KAT6A: variants seen among roughly 807,000 people sequenced by gnomAD.
KAT6A encodes lysine acetyltransferase 6A, also known as histone acetyltransferase KAT6A.
In KAT6A, 9 loss-of-function variants were observed where a neutral mutation model predicts 198.4. That is an observed-to-expected ratio of 0.05 (90% CI 0.03 to 0.08). KAT6A has a LOEUF of 0.08. KAT6A is among the 10% of genes least tolerant of loss of function. KAT6A has a pLI of 1.00. For missense variants in KAT6A, 2,077 were observed against 2,509.9 expected (o/e 0.83, Z 3.69); for synonymous variants, 890 against 883.0 (o/e 1.01, Z -0.14).
intron 2 of KAT6A, among the ~76,000 whole-genome samples, chr8:42,017,073 A>T (rs10092480): frequency 0.56 from 85,807 of 151,960 alleles, 24,657 homozygotes; most frequent in African/African-American, 0.65. Context: ...TTTAAAAGAC[A>T]GTATGCTGTG....
chr8:41,978,906 C>G, intron 5 of KAT6A, 129 bp from the exon 6 acceptor site: 1 of 735,172 alleles, frequency 1.4e-6, no homozygotes, highest in Non-Finnish European at 2.2e-6. Flanking sequence ...TGATGAATAC[C>G]CCCTCCAATC....
chr8:41,946,519 C>CAA, intron 12 of KAT6A, 72 bp downstream of exon 12: 1 of 752,442 alleles, frequency 1.3e-6, no homozygotes, highest in South Asian at 1.4e-5. Flanking sequence ...CACACACACA[C>CAA]ACACACACAC....
chr8:41,949,259 T>C lies in KAT6A; in HGVS notation c.1703A>G (p.Asn568Ser), dbSNP rs1822551426. The change falls in exon 10 of 17, where the codon AAT becomes AGT. Residue 568 changes from asparagine to serine, a missense_variant. Transcript: ENST00000265713. Reference sequence around the variant, plus strand: ...AATATTATTCTTTCTGTAAATCTCATTGGCAGGAGGATGGAACCAACCACA... The same window carrying C: ...AATATTATTCTTTCTGTAAATCTCACTGGCAGGAGGATGGAACCAACCACA... ...KKCGWFHPPA[N>S]EIYRKNNISV... 3 of 1,558,258 alleles carry C rather than the reference T, an allele frequency of 1.9e-6. No individual in the cohort carries two copies. Among genetic ancestry groups the C allele is most frequent in the Non-Finnish European group, 2.6e-6 (3 of 1,152,744 alleles).
chr8:41,991,610 TTA>T (rs904608812), intron 2 of KAT6A, among the ~76,000 whole-genome samples: 4 of 152,186 alleles, frequency 2.6e-5, no homozygotes, highest in African/African-American at 9.7e-5. Context: ...TATATTTTAA[TTA>T]GAGTTAAATT....
intron 2 of KAT6A, among the ~76,000 whole-genome samples, chr8:42,039,482 T>C (rs1827533923): frequency 6.6e-6 from 1 of 152,190 alleles, no homozygotes; most frequent in Non-Finnish European, 1.5e-5. Flanking sequence ...TAATAGATGT[T>C]AAGGAGATTC....
At chr8:41,976,743 A>C (rs149622134) in intron 7 of KAT6A, among the ~76,000 whole-genome samples, 40 of 152,276 alleles carry the variant, frequency 2.6e-4, no homozygotes, top group African/African-American at 9.1e-4. Context: ...AAGTTTCTCT[A>C]GGCAGATTCT....
intron 3 of KAT6A, among the ~76,000 whole-genome samples, chr8:41,984,820 A>T (rs1354462175): frequency 6.6e-6 from 1 of 151,986 alleles, no homozygotes; most frequent in Non-Finnish European, 1.5e-5. Flanking sequence ...CACCTCTACT[A>T]AAAATACCAA....
rs1821478321 is a variant in KAT6A at position 41,930,568 on chromosome 8, T to C, written c.*1637A>G. On this transcript the variant is annotated 3_prime_UTR_variant, in exon 17 of 17. Transcript: ENST00000265713. ...AAATGTACAAATAAAGGAGAGAATT[T>C]AATGCTTACAGATATTTCTCTAAGC... 1 of 189,138 alleles carries C rather than the reference T, an allele frequency of 5.3e-6. No individual in the cohort carries two copies. Among genetic ancestry groups the C allele is most frequent in the African/African-American group, 2.3e-5 (1 of 42,576 alleles). 11.7% of individuals were successfully genotyped at this position (189,138 alleles called of 1,614,324 possible). A position where few individuals can be genotyped will look rare whatever the true frequency, so the allele number is the denominator to read the frequency against.
At chr8:41,958,817 T>C (rs1823050825) in intron 8 of KAT6A, among the ~76,000 whole-genome samples, 2 of 152,182 alleles carry the variant, frequency 1.3e-5, no homozygotes, top group African/African-American at 2.4e-5. Context: ...GCTCAGATCA[T>C]GTTTTTGTCA....
rs11446895 is a variant in KAT6A at position 41,993,004 on chromosome 8, C to CAA, written c.601-5443_601-5442dup. Among the ~76,000 whole-genome samples the CAA allele has an allele frequency of 8.6e-5, 13 of 151,718 alleles. No individual in the cohort carries two copies. In the East Asian group the frequency reaches 9.7e-4, roughly 11 times the overall value. Reference sequence around the variant, plus strand: ...AACAAGACAGTAAAGTTTCTAACTGCAAAAAAAATGGTATTCAAAATCATA... The same window carrying CAA: ...AACAAGACAGTAAAGTTTCTAACTGCAAAAAAAAAATGGTATTCAAAATCATA... On this transcript the variant is annotated intron_variant, in intron 2 of 16. Transcript: ENST00000265713.
chr8:41,945,422 C>G (rs1822328599), intron 12 of KAT6A, among the ~76,000 whole-genome samples: 2 of 151,846 alleles, frequency 1.3e-5, no homozygotes, highest in South Asian at 2.1e-4. Flanking sequence ...AGGCGCCCAC[C>G]ACCACACCCA....
chr8:41,956,003 A>G (rs1324708851), intron 8 of KAT6A, among the ~76,000 whole-genome samples: 3 of 152,238 alleles, frequency 2.0e-5, no homozygotes, highest in Non-Finnish European at 4.4e-5. Context: ...AACCAAAGAA[A>G]GACACTCTGT....
At chr8:42,011,870 A>C (rs1462322150) in intron 2 of KAT6A, among the ~76,000 whole-genome samples, 1 of 151,800 alleles carries the variant, frequency 6.6e-6, no homozygotes, top group Non-Finnish European at 1.5e-5. Context: ...TAGGAAGAAC[A>C]GAGGTGTGGG....
chr8:42,006,887 T>A, intron 2 of KAT6A, among the ~76,000 whole-genome samples: 1 of 151,206 alleles, frequency 6.6e-6, no homozygotes, highest in African/African-American at 2.4e-5. Context: ...TCCCAGCTAC[T>A]TGGGAGGCTG....
intron 2 of KAT6A, among the ~76,000 whole-genome samples, chr8:41,994,690 A>G (rs1298137334): frequency 6.6e-6 from 1 of 151,922 alleles, no homozygotes; most frequent in African/African-American, 2.4e-5. Flanking sequence ...CTTATTATTT[A>G]TTCTTAACTA....
chr8:41,930,806 A>C lies in KAT6A; in HGVS notation c.*1399T>G, dbSNP rs776742531. 5.4e-6 allele frequency: 1 copy of C among 184,490 alleles called. No homozygotes were observed. Among genetic ancestry groups the C allele is most frequent in the Non-Finnish European group, 1.1e-5 (1 of 89,624 alleles). 11.4% of individuals were successfully genotyped at this position (184,490 alleles called of 1,614,324 possible). A position where few individuals can be genotyped will look rare whatever the true frequency, so the allele number is the denominator to read the frequency against. On this transcript the variant is annotated 3_prime_UTR_variant, in exon 17 of 17. Transcript: ENST00000265713. ...AGAGAATGGGCAAACTGGTTGCACG[A>C]GAGAAAAGAGAATGGAGTTGGGAGC...
intron 2 of KAT6A, among the ~76,000 whole-genome samples, chr8:42,026,359 G>C (rs1295129716): frequency 6.6e-6 from 1 of 152,002 alleles, no homozygotes; most frequent in Non-Finnish European, 1.5e-5. Flanking sequence ...GATTGCTTTG[G>C]GTAATATGGT....
At chr8:42,011,655 G>A (rs924314669) in intron 2 of KAT6A, among the ~76,000 whole-genome samples, 1 of 151,904 alleles carries the variant, frequency 6.6e-6, no homozygotes, top group Non-Finnish European at 1.5e-5. Context: ...CAGGAGAATC[G>A]CTTGAACCCA....
At chr8:41,982,363 G>A (rs1824401415) in intron 3 of KAT6A, among the ~76,000 whole-genome samples, 1 of 152,082 alleles carries the variant, frequency 6.6e-6, no homozygotes, top group South Asian at 2.1e-4. Context: ...CTAGAAAACT[G>A]AGCTATATAT....
Sources: allele counts gnomAD v4.1 joint callset (sites outside exome capture counted in the v4.1 genomes callset), GRCh38; gene constraint gnomAD v4.1.1; transcripts MANE v1.5; gene names NCBI Gene and HGNC (gene_info 2026-07-23, HGNC 2026-07-21).